SLC24A4: variants seen among roughly 807,000 people sequenced by gnomAD.
SLC24A4 encodes solute carrier family 24 member 4.
A neutral mutation model predicts 79.0 loss-of-function variants in SLC24A4; 53 were observed. That is an observed-to-expected ratio of 0.67 (90% CI 0.54 to 0.84). The LOEUF (loss-of-function observed/expected upper bound fraction) is 0.84. Among genes scored for constraint, SLC24A4 ranks in the 40% least tolerant of loss-of-function variants. The pLI is 0.00. For synonymous variants in SLC24A4, 323 were observed against 323.8 expected (o/e 1.00, Z 0.03); for missense variants, 731 against 822.0 (o/e 0.89, Z 1.35).
chr14:92,322,638 C>T (rs1300713106), upstream of SLC24A4: 1 of 152,826 alleles, frequency 6.5e-6, no homozygotes, highest in Non-Finnish European at 1.5e-5. Flanking sequence ...TTTTGCAGGT[C>T]GGTGTCGCGG....
At chr14:92,421,768 A>C (rs1891294461) in intron 2 of SLC24A4, among the ~76,000 whole-genome samples, 1 of 152,120 alleles carries the variant, frequency 6.6e-6, no homozygotes, top group Non-Finnish European at 1.5e-5. Context: ...CTGCCTCCCA[A>C]AGTGGTAGAA....
chr14:92,474,702 CGT>C (rs200558729), intron 12 of SLC24A4, among the ~76,000 whole-genome samples: 74 of 4,226 alleles, frequency 0.018, no homozygotes, highest in Admixed American at 0.027. Context: ...TGTATATATA[CGT>C]GTGTGTATAT....
chr14:92,323,751 A>G lies in SLC24A4; in HGVS notation c.-80A>G. On this transcript the variant is annotated 5_prime_UTR_variant, in exon 1 of 17. Transcript: ENST00000532405. This position sits in a 1 kb window ranked among gnomAD's most constrained non-coding sequence, Gnocchi z 4.9. ...GTCGCGCACCGCCTGCTCCAGCCCC[A>G]GCGCCGCTCGGCCACTGATTGCACT... The G allele has an allele frequency of 6.8e-7, 1 of 1,480,716 alleles. No individual in the cohort carries two copies. The highest frequency in any genetic ancestry group is 2.1e-5 in the Admixed American group (1 of 46,996). The allele number at this position is 1,480,716 out of a possible 1,614,324, so 91.7% of individuals were successfully genotyped here. A position where few individuals can be genotyped will look rare whatever the true frequency, so the allele number is the denominator to read the frequency against.
chr14:92,478,649 T>G lies in SLC24A4; in HGVS notation c.1256-4031T>G, dbSNP rs61977317. Among the ~76,000 whole-genome samples, 1,080 of 120,416 alleles carry G rather than the reference T, an allele frequency of 9.0e-3. 9 individuals carry two copies. The highest frequency in any genetic ancestry group is 0.025 in the African/African-American group (893 of 35,112). The allele number at this position is 120,416 out of a possible 152,430, so 79.0% of individuals were successfully genotyped here. On this transcript the variant is annotated intron_variant, in intron 12 of 16. Transcript: ENST00000532405. ...ACAGTGTGTAAATTTCCCAGCTTTG[T>G]TTTGTTTTTTTTTCCAAGACTGTTT...
chr14:92,400,244 T>G lies in SLC24A4; in HGVS notation c.242-33668T>G, dbSNP rs578036344. 1.4e-4 allele frequency among the ~76,000 whole-genome samples: 22 copies of G among 151,850 alleles called. No individual in the cohort carries two copies. In the South Asian group the frequency reaches 2.9e-3, roughly 20 times the overall value. ...TCACGAGGTCAGGAGATCGAGAACA[T>G]CCAGGCCAACATGGTGAAACCCCGT... On this transcript the variant is annotated intron_variant, in intron 2 of 16. Transcript: ENST00000532405.
intron 8 of SLC24A4, 131 bp downstream of exon 8, chr14:92,445,473 A>T: frequency 9.6e-7 from 1 of 1,037,358 alleles, no homozygotes; most frequent in East Asian, 2.5e-5. Context: ...TGAAAGTGAA[A>T]AAAAGATATT....
intron 12 of SLC24A4, among the ~76,000 whole-genome samples, chr14:92,479,203 T>G (rs1332775809): frequency 6.6e-6 from 1 of 152,164 alleles, no homozygotes; most frequent in Non-Finnish European, 1.5e-5. Context: ...CCTAATTTTC[T>G]TGGCTATAAT....
At chr14:92,417,225 G>A (rs1381197856) in intron 2 of SLC24A4, among the ~76,000 whole-genome samples, 1 of 152,150 alleles carries the variant, frequency 6.6e-6, no homozygotes, top group African/African-American at 2.4e-5. Context: ...TACAGATAGG[G>A]AGCTGAAGAG....
chr14:92,420,333 A>T (rs1170709645), intron 2 of SLC24A4, among the ~76,000 whole-genome samples: 1 of 152,174 alleles, frequency 6.6e-6, no homozygotes, highest in Non-Finnish European at 1.5e-5. Context: ...TACAAAAATT[A>T]GCCGGGCACA....
chr14:92,446,175 T>TA (rs748327932), intron 8 of SLC24A4, among the ~76,000 whole-genome samples: 2 of 149,914 alleles, frequency 1.3e-5, no homozygotes, highest in South Asian at 2.1e-4. Context: ...GTGCATTCTA[T>TA]GTTTTTTTTT....
intron 11 of SLC24A4, 94 bp downstream of exon 11, chr14:92,454,163 C>A: frequency 7.3e-7 from 1 of 1,364,178 alleles, no homozygotes; most frequent in Non-Finnish European, 1.0e-6. Flanking sequence ...GATCACTGCA[C>A]CTGTTTAAGG....
chr14:92,468,648 C>T (rs929683222), intron 12 of SLC24A4, among the ~76,000 whole-genome samples: 4 of 152,164 alleles, frequency 2.6e-5, no homozygotes, highest in Non-Finnish European at 4.4e-5. Context: ...TGACAACTCA[C>T]TAGGGGAAAT....
At chr14:92,385,874 C>T (rs1419916444) in intron 2 of SLC24A4, among the ~76,000 whole-genome samples, 3 of 152,202 alleles carry the variant, frequency 2.0e-5, no homozygotes, top group South Asian at 4.1e-4. Context: ...TGATGTCGCA[C>T]CTCCTGGGAT....
chr14:92,324,441 G>C (rs1028381811), intron 1 of SLC24A4, among the ~76,000 whole-genome samples: 2 of 152,238 alleles, frequency 1.3e-5, no homozygotes, highest in Non-Finnish European at 2.9e-5. Context: ...AAAGGCGTTG[G>C]GGCAGTCTGC....
rs563890081 is a variant in SLC24A4, at chr14:92,434,044, A to C, written c.318+56A>C. 3.5e-5 allele frequency: 47 copies of C among 1,334,982 alleles called. No homozygotes were observed. In the African/African-American group the frequency reaches 6.2e-4, roughly 18 times the overall value. 82.7% of individuals were successfully genotyped at this position (1,334,982 alleles called of 1,614,324 possible). On this transcript the variant is annotated intron_variant, in intron 3 of 16. Coordinates refer to ENST00000532405, the MANE Select transcript of SLC24A4 (RefSeq NM_153646.4). ...CTTCTGGCACATGAAGCCTCTCTGC[A>C]CAGCGGGGCAGAGCCGTGGCGTGTC...
At chr14:92,483,717 C>A (rs75541565) in intron 13 of SLC24A4, 2 of 1,289,110 alleles carry the variant, frequency 1.6e-6, no homozygotes, top group Non-Finnish European at 2.0e-6. Flanking sequence ...TCTTCTCCTC[C>A]TCATTCCCAG....
At chr14:92,322,848 C>A (rs551623760), upstream of SLC24A4, among the ~76,000 whole-genome samples, 80 of 152,092 alleles carry the variant, frequency 5.3e-4, no homozygotes, top group Non-Finnish European at 7.5e-4. Context: ...GTCGGAGAGC[C>A]CGGACAGGAG....
chr14:92,456,355 G>A, intron 11 of SLC24A4, 49 bp from the exon 12 acceptor site: 1 of 1,600,070 alleles, frequency 6.2e-7, no homozygotes, highest in Admixed American at 1.7e-5. Flanking sequence ...GCAATAGCAT[G>A]ATGCTTTATC....
intron 12 of SLC24A4, among the ~76,000 whole-genome samples, chr14:92,469,790 T>C (rs1194830237): frequency 1.3e-5 from 2 of 152,186 alleles, no homozygotes; most frequent in East Asian, 1.9e-4. Flanking sequence ...AGGAAATATA[T>C]GCTCAGTGAA....
Sources: gnomAD v4.1 joint callset for allele counts (sites outside exome capture counted in the v4.1 genomes callset) on GRCh38, gnomAD v4.1.1 for gene constraint, Gnocchi (gnomAD v3.1) non-coding constraint, MANE v1.5 for transcripts, NCBI Gene and HGNC (gene_info 2026-07-23, HGNC 2026-07-21) for gene names.